The following MDGA2 variants were observed in gnomAD, a reference collection of about 807,000 sequenced individuals.
The protein encoded by MDGA2 is MAM domain containing glycosylphosphatidylinositol anchor 2.
Under a neutral mutation model 117.8 loss-of-function variants are expected in MDGA2, and 40 were observed. The ratio of observed to expected loss-of-function variants is 0.34; its 90% confidence interval spans 0.26 to 0.44. The LOEUF is 0.44. MDGA2 is among the 20% of genes least tolerant of loss of function. The pLI, the probability that MDGA2 is intolerant of heterozygous loss-of-function variation, is 1.00. For synonymous variants in MDGA2, 452 were observed against 439.0 expected (o/e 1.03, Z -0.37); for missense variants, 1,123 against 1,250.6 (o/e 0.90, Z 1.54).
intron 5 of MDGA2, among the ~76,000 whole-genome samples, chr14:47,127,883 T>G (rs2139133077): frequency 6.6e-6 from 1 of 152,194 alleles, no homozygotes; most frequent in South Asian, 2.1e-4. Context: ...CCTGGTAATC[T>G]TCCCCTTTTG....
intron 2 of MDGA2, among the ~76,000 whole-genome samples, chr14:47,250,397 G>A (rs1458948895): frequency 1.3e-4 from 20 of 152,178 alleles, no homozygotes; most frequent in Non-Finnish European, 1.5e-5. Flanking sequence ...ATAATTTAAT[G>A]AGTTAATACA....
At position 47,502,723 on chromosome 14, in the gene MDGA2, G is replaced by T. The variant is rs1206810150; in HGVS notation, c.280+171794C>A. 2.0e-5 allele frequency among the ~76,000 whole-genome samples: 3 copies of T among 152,090 alleles called. No individual in the cohort carries two copies. The South Asian group carries it at 6.2e-4, about 32-fold the overall frequency. On this transcript the variant is annotated intron_variant, in intron 1 of 16. Transcript: ENST00000399232. ...TCACTGTGTCACCCAGTCTGTAGTT[G>T]AAGTGCAGTGGCGTGATCATAGATC...
At chr14:46,927,322 A>T (rs2138533336) in intron 9 of MDGA2, among the ~76,000 whole-genome samples, 1 of 152,326 alleles carries the variant, frequency 6.6e-6, no homozygotes, top group Admixed American at 6.5e-5. Context: ...TACAGGAATT[A>T]TTACCAATTT....
intron 1 of MDGA2, among the ~76,000 whole-genome samples, chr14:47,536,650 C>T (rs914689780): frequency 6.6e-6 from 1 of 152,158 alleles, no homozygotes; most frequent in Non-Finnish European, 1.5e-5. Context: ...GAAAATTATC[C>T]AGCAAGACAA....
intron 10 of MDGA2, among the ~76,000 whole-genome samples, chr14:46,887,119 A>T (rs1882706014): frequency 6.6e-6 from 1 of 152,026 alleles, no homozygotes; most frequent in South Asian, 2.1e-4. Context: ...GCTTCTTCTA[A>T]TATCTCTACA....
intron 7 of MDGA2, among the ~76,000 whole-genome samples, chr14:47,037,704 A>G (rs1288207929): frequency 6.6e-6 from 1 of 152,168 alleles, no homozygotes; most frequent in Non-Finnish European, 1.5e-5. Context: ...AAATACCTCA[A>G]TCATCTATAT....
rs576445112 is a variant in MDGA2 at position 46,846,229 on chromosome 14, T to C, written c.2884-358A>G. 3.3e-5 allele frequency among the ~76,000 whole-genome samples: 5 copies of C among 152,282 alleles called. No homozygotes were observed. The South Asian group carries it at 1.0e-3, about 32-fold the overall frequency. On this transcript the variant is annotated intron_variant, in intron 15 of 16. Coordinates refer to ENST00000399232, the MANE Select transcript of MDGA2 (RefSeq NM_001113498.3). ...TTTCTCTGAGATAGATTCTTTCTGG[T>C]TTTATCTGAACATAACTCATAACAT...
At chr14:46,982,234 G>A (rs190020818) in intron 8 of MDGA2, among the ~76,000 whole-genome samples, 114 of 152,056 alleles carry the variant, frequency 7.5e-4, no homozygotes, top group Admixed American at 6.2e-3. Context: ...TATGGTAACC[G>A]TATAATTTAT....
At chr14:47,010,894 AAATAT>A (rs1295890269) in intron 8 of MDGA2, among the ~76,000 whole-genome samples, 2 of 152,090 alleles carry the variant, frequency 1.3e-5, no homozygotes, top group African/African-American at 4.8e-5. Context: ...ATAATTAAAT[AAATAT>A]AAGTCATGGA....
At chr14:47,396,635 T>A (rs529583397) in intron 1 of MDGA2, among the ~76,000 whole-genome samples, 1 of 152,186 alleles carries the variant, frequency 6.6e-6, no homozygotes, top group African/African-American at 2.4e-5. Context: ...CTTAAATAAA[T>A]TTACAAGAAA....
intron 2 of MDGA2, among the ~76,000 whole-genome samples, chr14:47,286,364 C>A (rs539736250): frequency 6.6e-6 from 1 of 152,092 alleles, no homozygotes; most frequent in East Asian, 1.9e-4. Context: ...TAACCAAACC[C>A]TCTTTATCCC....
chr14:47,019,838 CAAAAAAA>C (rs565526563), intron 8 of MDGA2, among the ~76,000 whole-genome samples: 1 of 63,200 alleles, frequency 1.6e-5, no homozygotes, highest in East Asian at 5.1e-4. Flanking sequence ...GAGTCCGTCT[CAAAAAAA>C]AAAAAAAAAA....
At chr14:47,301,961 G>A (rs1889299484) in intron 1 of MDGA2, among the ~76,000 whole-genome samples, 1 of 152,164 alleles carries the variant, frequency 6.6e-6, no homozygotes. Context: ...GGAAGACATT[G>A]ACATTTGTCT....
At chr14:47,159,034 G>A (rs1883524594) in intron 3 of MDGA2, among the ~76,000 whole-genome samples, 1 of 152,210 alleles carries the variant, frequency 6.6e-6, no homozygotes, top group Non-Finnish European at 1.5e-5. Flanking sequence ...CCAAACATTT[G>A]TAGGGAAGGA....
chr14:47,166,878 T>C (rs1219879169), intron 3 of MDGA2, among the ~76,000 whole-genome samples: 1 of 152,162 alleles, frequency 6.6e-6, no homozygotes, highest in Non-Finnish European at 1.5e-5. Context: ...TTCTAATTAT[T>C]AATTTTAAAA....
intron 1 of MDGA2, among the ~76,000 whole-genome samples, chr14:47,506,631 T>G (rs1227030765): frequency 6.6e-6 from 1 of 152,200 alleles, no homozygotes; most frequent in Non-Finnish European, 1.5e-5. Context: ...TGGTAGCCAC[T>G]AGCCAAACAG....
intron 1 of MDGA2, among the ~76,000 whole-genome samples, chr14:47,592,043 T>G (rs772670978): frequency 1.3e-4 from 20 of 151,860 alleles, no homozygotes; most frequent in Non-Finnish European, 2.6e-4. Flanking sequence ...TTCAACAAAA[T>G]CTAAGGAAAA....
intron 3 of MDGA2, among the ~76,000 whole-genome samples, chr14:47,193,231 A>C (rs1266857930): frequency 6.6e-6 from 1 of 152,350 alleles, no homozygotes; most frequent in Non-Finnish European, 1.5e-5. Flanking sequence ...TAATAGCAAC[A>C]GTAACAGCAG....
intron 2 of MDGA2, among the ~76,000 whole-genome samples, chr14:47,237,089 TA>T (rs1269470698): frequency 6.6e-6 from 1 of 152,104 alleles, no homozygotes; most frequent in Non-Finnish European, 1.5e-5. Context: ...TCCCACAACC[TA>T]AATCTAATTT....
Sources: allele counts gnomAD v4.1 joint callset (sites outside exome capture counted in the v4.1 genomes callset), GRCh38; gene constraint gnomAD v4.1.1; transcripts MANE v1.5; gene names NCBI Gene and HGNC (gene_info 2026-07-23, HGNC 2026-07-21).